Variants in PYY observed in about 807,000 individuals in gnomAD.
PYY encodes peptide tyrosine tyrosine.
In PYY, 12 loss-of-function variants were observed where a neutral mutation model predicts 10.3. The ratio of observed to expected loss-of-function variants is 1.17; its 90% CI spans 0.75 to 1.89. PYY has a LOEUF of 1.89. PYY is among the 40% of genes most tolerant of loss of function. The pLI is 0.00. For missense variants in PYY, 141 were observed against 134.0 expected, an observed-to-expected ratio of 1.05 and a Z score of -0.26; for synonymous variants, 66 against 62.0, an observed-to-expected ratio of 1.06 and a Z score of -0.30.
intron 1 of PYY, among the ~76,000 whole-genome samples, chr17:43,991,895 C>T (rs1325127659): frequency 6.6e-6 from 1 of 150,554 alleles, no homozygotes; most frequent in Non-Finnish European, 1.5e-5. Context: ...CCGAGGCAGA[C>T]GGATCACGAG....
intron 1 of PYY, among the ~76,000 whole-genome samples, chr17:43,998,413 C>T (rs1431874172): frequency 6.6e-6 from 1 of 152,006 alleles, no homozygotes; most frequent in African/African-American, 2.4e-5. Flanking sequence ...AAAAAATTAG[C>T]CGGGCATGGC....
At chr17:43,995,616 T>A (rs1224722697) in intron 1 of PYY, among the ~76,000 whole-genome samples, 1 of 152,066 alleles carries the variant, frequency 6.6e-6, no homozygotes, top group Non-Finnish European at 1.5e-5. Flanking sequence ...GGTGGATCAC[T>A]TGAGGTCAGG....
intron 2 of PYY, among the ~76,000 whole-genome samples, chr17:43,962,302 A>C (rs543152772): frequency 4.2e-4 from 64 of 152,270 alleles, no homozygotes; most frequent in African/African-American, 1.4e-3. Context: ...AAATGTAAAA[A>C]TGAGCCATTT....
chr17:43,981,243 G>T (rs2048881973), intron 1 of PYY, among the ~76,000 whole-genome samples: 1 of 152,092 alleles, frequency 6.6e-6, no homozygotes, highest in Admixed American at 6.5e-5. Flanking sequence ...CCTAGGAGTT[G>T]AATTGCTGGG....
chr17:44,002,699 G>A (rs1001085602), intron 1 of PYY, among the ~76,000 whole-genome samples: 10 of 152,178 alleles, frequency 6.6e-5, no homozygotes, highest in African/African-American at 1.9e-4. Flanking sequence ...CCAGCTCCAC[G>A]GCTTGTGAGC....
intron 1 of PYY, among the ~76,000 whole-genome samples, chr17:43,969,386 G>A (rs960182869): frequency 3.3e-5 from 5 of 151,198 alleles, no homozygotes; most frequent in East Asian, 2.0e-4. Context: ...CCGTGGTGGC[G>A]GGCACCTGTA....
chr17:44,000,601 C>G (rs1216874576), intron 1 of PYY, among the ~76,000 whole-genome samples: 1 of 137,306 alleles, frequency 7.3e-6, no homozygotes, highest in African/African-American at 2.7e-5. Context: ...GAGTCTTGCT[C>G]TGTCACACAG....
chr17:44,001,919 T>A (rs2049030135), intron 1 of PYY, among the ~76,000 whole-genome samples: 1 of 152,062 alleles, frequency 6.6e-6, no homozygotes, highest in South Asian at 2.1e-4. Context: ...GAGAAGCACA[T>A]TTGGGTTGAA....
chr17:43,969,534 A>ATT (rs60880052), intron 1 of PYY, among the ~76,000 whole-genome samples: 1 of 147,126 alleles, frequency 6.8e-6, no homozygotes, highest in African/African-American at 2.6e-5. Context: ...AAAAAAAAAA[A>ATT]GCAAATGCTC....
At chr17:43,979,857 A>G (rs2048871334) in intron 1 of PYY, among the ~76,000 whole-genome samples, 1 of 152,138 alleles carries the variant, frequency 6.6e-6, no homozygotes, top group Admixed American at 6.5e-5. Flanking sequence ...CACAGCTTCA[A>G]TTTACCCAAA....
upstream of PYY, among the ~76,000 whole-genome samples, chr17:43,954,902 C>T (rs561924440): frequency 8.3e-4 from 127 of 152,330 alleles, no homozygotes; most frequent in Admixed American, 2.6e-3. Flanking sequence ...CATCACAAGA[C>T]GATGAGCTGA....
At position 43,953,323 on chromosome 17, in the gene PYY, T is replaced by C; in HGVS notation, c.161A>G (p.His54Arg). 1.9e-6 allele frequency: 3 copies of C among 1,612,770 alleles called. No individual in the cohort carries two copies. The highest frequency in any genetic ancestry group is 2.5e-6 in the Non-Finnish European group (3 of 1,179,526). The change falls in exon 2 of 4, where the codon CAC becomes CGC. Residue 54 changes from histidine to arginine, a missense_variant. Transcript: ENST00000692052. ...ELNRYYASLR[H>R]YLNLVTRQRY... ...CTGCCGGGTGACCAGGTTGAGGTAG[T>C]GGCGCAGGGAGGCGTAGTAGCGGTT... is the stretch of plus-strand genomic sequence containing the variant.
Position 43,952,837 on chromosome 17 carries a change from ACCCGAACCCTGCCCAGACG to A in PYY, c.*100_*118del. 2.5e-6 allele frequency: 3 copies of A among 1,179,180 alleles called. No individual in the cohort carries two copies. The highest frequency in any genetic ancestry group is 3.4e-5 in the South Asian group (2 of 58,110). The allele number at this position is 1,179,180 out of a possible 1,614,324, so 73.0% of individuals were successfully genotyped here. On this transcript the variant is annotated 3_prime_UTR_variant, in exon 4 of 4. Transcript: ENST00000692052. Reference sequence around the variant, plus strand: ...CACCGAGACGCGGGCGGAGGGCCGCACCCGAACCCTGCCCAGACGCCGCCGTCGGGAGGCAGAATCCGGG... The same window carrying A: ...CACCGAGACGCGGGCGGAGGGCCGCACCGCCGTCGGGAGGCAGAATCCGGG...
rs1394934233 is a variant in PYY, at chr17:43,953,417, C to G, written c.67G>C (p.Gly23Arg). 6.2e-7 allele frequency: 1 copy of G among 1,612,872 alleles called. No homozygotes were observed. The highest frequency in any genetic ancestry group is 1.3e-5 in the African/African-American group (1 of 74,928). Residue 23 changes from glycine to arginine, a missense_variant, in exon 2 of 4, where the codon GGG becomes CGG. Gly to Arg is a moderately radical substitution (Grantham distance 125). Transcript: ENST00000692052. The stretch of plus-strand genomic sequence containing the variant: ...ATGGGGTAGGCGTCGACCAGCGCCC[C>G]TAGGCAGACGAGCAGGGCCAGAAGC... ...TVLLALLVCL[G>R]ALVDAYPIKP...
At chr17:43,978,425 A>G (rs2048862675) in intron 1 of PYY, among the ~76,000 whole-genome samples, 1 of 150,480 alleles carries the variant, frequency 6.6e-6, no homozygotes, top group South Asian at 2.1e-4. Flanking sequence ...GGAGGCTAAG[A>G]CAGGAGGATC....
chr17:43,953,098 G>A lies in PYY; in HGVS notation c.269+11C>T. 6.2e-7 allele frequency: 1 copy of A among 1,613,728 alleles called. No homozygotes were observed. The highest frequency in any genetic ancestry group is 8.5e-7 in the Non-Finnish European group (1 of 1,179,800). ...CTCGGATGCAGGATGTGTGGTAACG[G>A]GCGCTTTTACCGCGACCTGACGGGG... On this transcript the variant is annotated intron_variant, in intron 3 of 3. Coordinates refer to ENST00000692052, the MANE Select transcript of PYY (RefSeq NM_001394028.1).
chr17:43,979,542 A>G (rs1375456283), intron 1 of PYY, among the ~76,000 whole-genome samples: 2 of 151,900 alleles, frequency 1.3e-5, no homozygotes, highest in East Asian at 3.8e-4. Context: ...TAAAGATGAA[A>G]AAAAAAAAAG....
intron 1 of PYY, among the ~76,000 whole-genome samples, chr17:44,003,763 G>A (rs1243959424): frequency 1.3e-5 from 2 of 151,448 alleles, no homozygotes; most frequent in Non-Finnish European, 2.9e-5. Flanking sequence ...TGGGAGGACT[G>A]CTTGAGCTCA....
At chr17:43,983,059 C>A (rs2048893558) in intron 1 of PYY, among the ~76,000 whole-genome samples, 1 of 152,060 alleles carries the variant, frequency 6.6e-6, no homozygotes, top group Admixed American at 6.6e-5. Flanking sequence ...TGGTGAAACC[C>A]CGTCTCTACT....
Sources: gnomAD v4.1 joint callset for allele counts (sites outside exome capture counted in the v4.1 genomes callset) on GRCh38, gnomAD v4.1.1 for gene constraint, MANE v1.5 for transcripts, NCBI Gene and HGNC (gene_info 2026-07-23, HGNC 2026-07-21) for gene names.